CACHD1: variants seen among roughly 807,000 people sequenced by gnomAD.
The protein encoded by CACHD1 is cache domain containing 1, also known as VWFA and cache domain-containing protein 1.
Under a neutral mutation model 138.7 loss-of-function variants are expected in CACHD1, and 71 were observed. That is an observed-to-expected ratio of 0.51 (90% CI 0.42 to 0.62). The LOEUF (loss-of-function observed/expected upper bound fraction) is 0.62, where lower values mean the gene tolerates loss of function less well. Ranked by LOEUF, CACHD1 falls within the 20% of genes least tolerant of loss-of-function variation. The probability of loss-of-function intolerance (pLI) is 0.00; values close to 1 mark genes in which losing one functional copy is unlikely to be tolerated. For missense variants in CACHD1, 1,389 were observed against 1,625.3 expected (o/e 0.85, Z 2.50); for synonymous variants, 578 against 591.5 (o/e 0.98, Z 0.33).
chr1:64,604,581 G>A (rs11581680), intron 4 of CACHD1, among the ~76,000 whole-genome samples: 8,493 of 152,200 alleles, frequency 0.056, 265 homozygotes, highest in Middle Eastern at 0.082. Context: ...AGATGTAAGC[G>A]TTCCAAAAAT....
At chr1:64,605,431 C>T (rs962744113) in intron 4 of CACHD1, among the ~76,000 whole-genome samples, 2 of 152,020 alleles carry the variant, frequency 1.3e-5, no homozygotes, top group Admixed American at 1.3e-4. Flanking sequence ...TTAAATTAAG[C>T]ATTTGCTGTT....
chr1:64,495,076 C>T (rs1646298559), intron 1 of CACHD1, among the ~76,000 whole-genome samples: 1 of 151,990 alleles, frequency 6.6e-6, no homozygotes, highest in Non-Finnish European at 1.5e-5. Context: ...AGTTACAGTT[C>T]GGTCAACAGG....
chr1:64,678,049 A>G, intron 22 of CACHD1, 110 bp from the exon 23 acceptor site: 2 of 1,108,400 alleles, frequency 1.8e-6, no homozygotes, highest in Non-Finnish European at 2.5e-6. Context: ...CAAGAAATTC[A>G]CAGCACTAGT....
chr1:64,665,476 A>C (rs1367795882), intron 15 of CACHD1, among the ~76,000 whole-genome samples: 17 of 152,052 alleles, frequency 1.1e-4, no homozygotes, highest in Admixed American at 1.1e-3. Context: ...AAACAAAAAA[A>C]CAAAAAAAAC....
intron 3 of CACHD1, among the ~76,000 whole-genome samples, chr1:64,596,069 G>A (rs1392868240): frequency 2.0e-5 from 3 of 152,134 alleles, no homozygotes; most frequent in South Asian, 2.1e-4. Flanking sequence ...CTTTTTGGTT[G>A]GCCCATCTAT....
In CACHD1 at chr1:64,548,351, A is replaced by G. The variant is rs74080415; in HGVS notation, c.199-2243A>G. 3.4e-3 allele frequency among the ~76,000 whole-genome samples: 517 copies of G among 152,344 alleles called. 4 individuals are homozygous for G. The highest frequency in any genetic ancestry group is 0.012 in the African/African-American group (493 of 41,580). ...AGGAAATAAGAAATTGACCATGTTTATCAAGATCTGGAGTCACTATATGAA... is the reference window on the plus strand; with the variant it reads ...AGGAAATAAGAAATTGACCATGTTTGTCAAGATCTGGAGTCACTATATGAA... On this transcript the variant is annotated intron_variant, in intron 1 of 26. Transcript: ENST00000651257.
At chr1:64,481,335 A>G (rs952707088) in intron 1 of CACHD1, among the ~76,000 whole-genome samples, 3 of 152,090 alleles carry the variant, frequency 2.0e-5, no homozygotes, top group Non-Finnish European at 4.4e-5. Flanking sequence ...TTTTGCATGG[A>G]GTATTTTTAA....
chr1:64,631,498 T>C (rs1176362823), intron 5 of CACHD1, among the ~76,000 whole-genome samples: 4 of 152,202 alleles, frequency 2.6e-5, no homozygotes, highest in South Asian at 2.1e-4. Context: ...TTTTTGGTAC[T>C]TTGCCTGCGT....
chr1:64,663,794 A>G lies in CACHD1; in HGVS notation c.2051A>G (p.Tyr684Cys). ...TKRMVEHYTA[Y>C]LSDNTRLIAN... ...CGCATGGTAGAGCACTACACCGCCT[A>G]TCTCAGCGACAACACCCGCCTCATT... The change falls in exon 14 of 27, where the codon TAT (tyrosine) becomes TGT (cysteine). Residue 684 changes from tyrosine to cysteine, a missense_variant. Transcript: ENST00000651257. The G allele has an allele frequency of 6.2e-7, 1 of 1,614,106 alleles. No individual in the cohort carries two copies. Among genetic ancestry groups the G allele is most frequent in the Non-Finnish European group, 8.5e-7 (1 of 1,179,996 alleles).
rs199888137 is a variant in CACHD1, at chr1:64,632,641, A to G, written c.687A>G (p.Ile229Met). Residue 229 changes from isoleucine to methionine, a missense_variant, in exon 6 of 27, where the codon ATA (isoleucine) becomes ATG (methionine). Coordinates refer to ENST00000651257, the MANE Select transcript of CACHD1 (RefSeq NM_020925.4). ...CAGTCCGGCCGCAGTCAAAGCACAT[A>G]GTAGTGATTCTGGACCACGGGGCTT... ...VSTVRPQSKHIVVILDHGASV... is the reference protein window; with the variant it reads ...VSTVRPQSKHMVVILDHGASV... 3 of 1,614,132 alleles carry G rather than the reference A, an allele frequency of 1.9e-6. No homozygotes were observed. Among genetic ancestry groups the G allele is most frequent in the Admixed American group, 1.7e-5 (1 of 60,012 alleles).
intron 1 of CACHD1, among the ~76,000 whole-genome samples, chr1:64,529,410 T>C (rs1395724658): frequency 6.6e-6 from 1 of 152,200 alleles, no homozygotes; most frequent in Non-Finnish European, 1.5e-5. Flanking sequence ...CAATACTCCA[T>C]TTATTCTCAA....
intron 1 of CACHD1, among the ~76,000 whole-genome samples, chr1:64,515,089 G>C (rs1449562047): frequency 6.6e-6 from 1 of 152,136 alleles, no homozygotes; most frequent in Non-Finnish European, 1.5e-5. Context: ...GGAAAATACA[G>C]AGAAATAAAT....
At chr1:64,606,766 AAT>A (rs1474805538) in intron 4 of CACHD1, among the ~76,000 whole-genome samples, 2 of 152,146 alleles carry the variant, frequency 1.3e-5, no homozygotes, top group Non-Finnish European at 2.9e-5. Context: ...TTGAATTCTG[AAT>A]ATGTTTTGAA....
At chr1:64,571,279 T>A (rs1443770037) in intron 2 of CACHD1, among the ~76,000 whole-genome samples, 1 of 152,198 alleles carries the variant, frequency 6.6e-6, no homozygotes, top group African/African-American at 2.4e-5. Context: ...TTGTACAAAT[T>A]TGTTACTCTA....
Position 64,649,590 on chromosome 1 carries a change from A to G in CACHD1, c.1390+1556A>G, listed in dbSNP as rs184804108. On this transcript the variant is annotated intron_variant, in intron 9 of 26. Coordinates refer to ENST00000651257, the MANE Select transcript of CACHD1 (RefSeq NM_020925.4). The stretch of plus-strand genomic sequence containing the variant: ...GCGTAAGTCTGATAAGAGAAAGACA[A>G]ATCAGTAATTCCCGTTAATACTGTG... Among the ~76,000 whole-genome samples, 4 of 152,308 alleles carry G rather than the reference A, an allele frequency of 2.6e-5. No homozygotes were observed. The East Asian group carries it at 5.8e-4, about 22-fold the overall frequency.
In CACHD1 at chr1:64,676,964, T is replaced by C. The variant is rs751579274; in HGVS notation, c.3045T>C (p.Ala1015=). Residue 1015 remains alanine, a synonymous_variant, in exon 22 of 27, where the codon GCT becomes GCC. Coordinates refer to ENST00000651257, the MANE Select transcript of CACHD1 (RefSeq NM_020925.4). The stretch of plus-strand genomic sequence containing the variant: ...CTATTGACCCTGGCCTGCAAGATGC[T>C]CTTCACCAGTGTGTCAACAGCAGGT... ...YTAIDPGLQD[A]LHQCVNSRCS... 1 of 1,614,018 alleles carries C rather than the reference T, an allele frequency of 6.2e-7. No individual in the cohort carries two copies. The highest frequency in any genetic ancestry group is 1.1e-5 in the South Asian group (1 of 91,054).
intron 26 of CACHD1, among the ~76,000 whole-genome samples, chr1:64,685,214 T>C (rs1650327504): frequency 6.6e-6 from 1 of 152,194 alleles, no homozygotes. Flanking sequence ...TTGTGTACAA[T>C]TGTGTTTTAG....
chr1:64,692,586 TATAAG>T lies in CACHD1; in HGVS notation c.*1026_*1030del, dbSNP rs1370299621. 1 of 152,174 alleles carries T rather than the reference TATAAG, an allele frequency of 6.6e-6. No individual in the cohort carries two copies. Among genetic ancestry groups the T allele is most frequent in the Non-Finnish European group, 1.5e-5 (1 of 68,038 alleles). The allele number at this position is 152,174 out of a possible 1,614,324, so 9.4% of individuals were successfully genotyped here. A position where few individuals can be genotyped will look rare whatever the true frequency, so the allele number is the denominator to read the frequency against. On this transcript the variant is annotated 3_prime_UTR_variant, in exon 27 of 27. Transcript: ENST00000651257. ...CCCATTTTGACTGAGAATATTGACA[TATAAG>T]GGAAGAAGTTTTCTAAATTGTGAAA...
chr1:64,651,303 C>T (rs1307134002), intron 9 of CACHD1, among the ~76,000 whole-genome samples: 2 of 152,144 alleles, frequency 1.3e-5, no homozygotes, highest in Non-Finnish European at 2.9e-5. Flanking sequence ...CTTAATTTCT[C>T]CTTCAGCTGC....
Sources: gnomAD v4.1 joint callset for allele counts (sites outside exome capture counted in the v4.1 genomes callset) on GRCh38, gnomAD v4.1.1 for gene constraint, MANE v1.5 for transcripts, NCBI Gene and HGNC (gene_info 2026-07-23, HGNC 2026-07-21) for gene names.